Variants in ADAMTSL1 observed in about 807,000 individuals in gnomAD.
ADAMTSL1 encodes ADAMTS-like protein 1.
Under a neutral mutation model 201.8 loss-of-function variants are expected in ADAMTSL1, and 126 were observed. The ratio of observed to expected loss-of-function variants is 0.62; its 90% CI spans 0.54 to 0.72. The LOEUF is 0.72. Ranked by LOEUF, ADAMTSL1 falls within the 30% of genes least tolerant of loss-of-function variation. ADAMTSL1 has a pLI of 0.00. For synonymous variants in ADAMTSL1, 1,121 were observed against 903.4 expected (o/e 1.24, Z -4.32); for missense variants, 2,679 against 2,277.8 (o/e 1.18, Z -3.59).
chr9:17,974,148 G>T (rs1023776047), intron 1 of ADAMTSL1, among the ~76,000 whole-genome samples: 32 of 152,042 alleles, frequency 2.1e-4, no homozygotes, highest in Admixed American at 3.3e-4. Context: ...CATACTGAAT[G>T]GGCAAAAACT....
At chr9:18,858,171 C>G (rs1056517983) in intron 23 of ADAMTSL1, among the ~76,000 whole-genome samples, 11 of 118,476 alleles carry the variant, frequency 9.3e-5, no homozygotes, top group Non-Finnish European at 1.6e-4. Flanking sequence ...AACTCTTACC[C>G]AACACCACAG....
At chr9:18,197,378 T>A (rs1434439775) in intron 2 of ADAMTSL1, among the ~76,000 whole-genome samples, 1 of 146,810 alleles carries the variant, frequency 6.8e-6, no homozygotes, top group Non-Finnish European at 1.5e-5. Context: ...GTAGTTCTCC[T>A]TGAAGAGGTC....
intron 1 of ADAMTSL1, among the ~76,000 whole-genome samples, chr9:17,934,154 G>A (rs1322451374): frequency 6.6e-6 from 1 of 152,144 alleles, no homozygotes; most frequent in Non-Finnish European, 1.5e-5. Context: ...TCAAGAAGCT[G>A]TATGTGGTGT....
chr9:18,215,915 G>A (rs1830039940), intron 2 of ADAMTSL1, among the ~76,000 whole-genome samples: 1 of 152,144 alleles, frequency 6.6e-6, no homozygotes, highest in Non-Finnish European at 1.5e-5. Flanking sequence ...GGAATTTTGG[G>A]TTGTCTTCTT....
chr9:18,504,356 A>G (rs1823007342), intron 1 of ADAMTSL1, among the ~76,000 whole-genome samples: 1 of 152,202 alleles, frequency 6.6e-6, no homozygotes, highest in South Asian at 2.1e-4. Flanking sequence ...GAAAACTAGG[A>G]ATGCAGTTGC....
At chr9:18,853,889 C>CTCTGTGTGTGTGTGTGTG (rs1314550014) in intron 23 of ADAMTSL1, among the ~76,000 whole-genome samples, 1 of 120,300 alleles carries the variant, frequency 8.3e-6, no homozygotes, top group African/African-American at 2.6e-5. Context: ...TATTCACTCT[C>CTCTGTGTGTGTGTGTGTG]TGTGTGTGTG....
At chr9:18,844,704 C>T (rs1825975820) in intron 23 of ADAMTSL1, among the ~76,000 whole-genome samples, 3 of 152,368 alleles carry the variant, frequency 2.0e-5, no homozygotes, top group South Asian at 4.1e-4. Context: ...GTTCGAGCTT[C>T]CTGGCTGCTT....
At chr9:17,921,209 A>C (rs1394261503) in intron 1 of ADAMTSL1, among the ~76,000 whole-genome samples, 2 of 152,126 alleles carry the variant, frequency 1.3e-5, no homozygotes, top group African/African-American at 4.8e-5. Flanking sequence ...ACAGAGTTAA[A>C]TTTACGTAGA....
At chr9:18,665,864 GA>G (rs2133055452) in intron 9 of ADAMTSL1, among the ~76,000 whole-genome samples, 1 of 152,088 alleles carries the variant, frequency 6.6e-6, no homozygotes, top group East Asian at 1.9e-4. Context: ...TGCTAACTTA[GA>G]AATATTGATA....
chr9:18,013,649 T>C (rs1046974968), intron 1 of ADAMTSL1, among the ~76,000 whole-genome samples: 1 of 152,072 alleles, frequency 6.6e-6, no homozygotes, highest in African/African-American at 2.4e-5. Flanking sequence ...CTTATTCATG[T>C]TACTCAACTT....
At chr9:18,166,088 G>A (rs955302064) in intron 2 of ADAMTSL1, among the ~76,000 whole-genome samples, 1 of 151,862 alleles carries the variant, frequency 6.6e-6, no homozygotes, top group African/African-American at 2.4e-5. Flanking sequence ...AGGTTGAGCA[G>A]CATACTCTGT....
chr9:18,076,453 A>G (rs966998682), intron 1 of ADAMTSL1, among the ~76,000 whole-genome samples: 8 of 152,224 alleles, frequency 5.3e-5, no homozygotes, highest in Admixed American at 2.6e-4. Flanking sequence ...ATAAGTGGCT[A>G]TAAATGCTGT....
At chr9:18,540,152 C>G (rs1008655982) in intron 3 of ADAMTSL1, among the ~76,000 whole-genome samples, 2 of 152,176 alleles carry the variant, frequency 1.3e-5, no homozygotes, top group Non-Finnish European at 2.9e-5. Context: ...GTAGAGTCAA[C>G]AATATCCACT....
chr9:18,190,402 A>T (rs1191598613), intron 2 of ADAMTSL1, among the ~76,000 whole-genome samples: 1 of 152,148 alleles, frequency 6.6e-6, no homozygotes, highest in Non-Finnish European at 1.5e-5. Context: ...AGTGGGAGAG[A>T]TTAGGAACTG....
At chr9:18,176,560 A>G (rs1455898658) in intron 2 of ADAMTSL1, among the ~76,000 whole-genome samples, 2 of 152,166 alleles carry the variant, frequency 1.3e-5, no homozygotes, top group African/African-American at 4.8e-5. Context: ...CCCTCTCGTA[A>G]TGGAAGAAGA....
intron 23 of ADAMTSL1, among the ~76,000 whole-genome samples, chr9:18,865,988 G>T (rs766235750): frequency 1.3e-5 from 2 of 151,908 alleles, no homozygotes; most frequent in East Asian, 3.9e-4. Flanking sequence ...GAACTTCTTC[G>T]TTGAAGGAAA....
At chr9:18,424,425 C>A (rs1819107612) in intron 2 of ADAMTSL1, among the ~76,000 whole-genome samples, 1 of 152,166 alleles carries the variant, frequency 6.6e-6, no homozygotes, top group African/African-American at 2.4e-5. Context: ...AGTGGGGCAA[C>A]AGTGAACATG....
intron 1 of ADAMTSL1, among the ~76,000 whole-genome samples, chr9:18,076,956 A>G (rs954215609): frequency 3.2e-4 from 48 of 152,302 alleles, no homozygotes; most frequent in African/African-American, 1.1e-3. Context: ...ACTTGGAATT[A>G]CACGCTGTTA....
intron 1 of ADAMTSL1, among the ~76,000 whole-genome samples, chr9:18,059,437 G>A (rs893740366): frequency 6.6e-6 from 1 of 152,122 alleles, no homozygotes; most frequent in Non-Finnish European, 1.5e-5. Context: ...TTCTTAATGT[G>A]GTGGGGAAAA....
Sources: allele counts gnomAD v4.1 joint callset (sites outside exome capture counted in the v4.1 genomes callset), GRCh38; gene constraint gnomAD v4.1.1; transcripts MANE v1.5; gene names NCBI Gene and HGNC (gene_info 2026-07-23, HGNC 2026-07-21).